FMN1: variants seen among roughly 807,000 people sequenced by gnomAD.
The protein encoded by FMN1 is formin 1.
FMN1 carries 110 observed loss-of-function variants against 132.4 expected under a neutral mutation model. The observed-to-expected ratio is 0.83, with a 90% CI of 0.71 to 0.97. The LOEUF is 0.97. Among genes scored for constraint, FMN1 ranks in the 50% least tolerant of loss-of-function variants. FMN1 has a pLI of 0.00. For synonymous variants in FMN1, 722 were observed against 651.7 expected (o/e 1.11, Z -1.64); for missense variants, 1,792 against 1,705.3 (o/e 1.05, Z -0.90).
chr15:33,064,917 A>G (rs2037650147), intron 6 of FMN1, 40 bp downstream of exon 6: 1 of 1,365,844 alleles, frequency 7.3e-7, no homozygotes, highest in Non-Finnish European at 1.0e-6. Flanking sequence ...CATTGCAGGA[A>G]GAGATTCATT....
At chr15:32,851,756 A>G (rs2059014459) in intron 17 of FMN1, among the ~76,000 whole-genome samples, 1 of 152,242 alleles carries the variant, frequency 6.6e-6, no homozygotes, top group Non-Finnish European at 1.5e-5. Flanking sequence ...TAAACGCATC[A>G]TCTCCATCTG....
Position 33,127,989 on chromosome 15 carries a change from G to A in FMN1, c.1867+25059C>T, listed in dbSNP as rs141248588. Among the ~76,000 whole-genome samples the A allele has an allele frequency of 6.1e-4, 93 of 152,258 alleles. 1 individual carries two copies. The East Asian group carries it at 0.016, about 26-fold the overall frequency. ...AAGGGGAAAGGAAGGTAACAGAAGGGCAACGGGGGAAGGGGAAAATAGACA... is the reference window on the plus strand; with the variant it reads ...AAGGGGAAAGGAAGGTAACAGAAGGACAACGGGGGAAGGGGAAAATAGACA... On this transcript the variant is annotated intron_variant, in intron 4 of 20. Transcript: ENST00000616417.
At chr15:32,789,087 A>G (rs2056978583) in intron 19 of FMN1, among the ~76,000 whole-genome samples, 1 of 152,222 alleles carries the variant, frequency 6.6e-6, no homozygotes, top group Admixed American at 6.5e-5. Context: ...AAGGAAACAC[A>G]ATGATTATTT....
chr15:33,127,293 A>G lies in FMN1; in HGVS notation c.1867+25755T>C, dbSNP rs775408502. On this transcript the variant is annotated intron_variant, in intron 4 of 20. Transcript: ENST00000616417. ...ATTCTTCACAACAAGAATCCGTCAA[A>G]TAAGTAACGTCATGGTTAATGCTCC... Among the ~76,000 whole-genome samples, 8 of 152,312 alleles carry G rather than the reference A, an allele frequency of 5.3e-5. No individual in the cohort carries two copies. In the East Asian group the frequency reaches 1.2e-3, roughly 22 times the overall value.
chr15:32,851,575 C>T (rs1424139090), intron 17 of FMN1, among the ~76,000 whole-genome samples: 1 of 152,074 alleles, frequency 6.6e-6, no homozygotes, highest in Non-Finnish European at 1.5e-5. Context: ...AAAAAAGACA[C>T]GTAAGAAAAA....
At chr15:32,874,961 T>C (rs1046249657) in intron 16 of FMN1, among the ~76,000 whole-genome samples, 7 of 152,206 alleles carry the variant, frequency 4.6e-5, no homozygotes, top group African/African-American at 1.4e-4. Flanking sequence ...TTATAAATGT[T>C]CCTTGGGCGT....
chr15:33,113,387 G>A (rs1290588080), intron 4 of FMN1, among the ~76,000 whole-genome samples: 4 of 149,210 alleles, frequency 2.7e-5, no homozygotes, highest in East Asian at 4.5e-4. Flanking sequence ...TCAATTAATA[G>A]TTCAGTGATT....
intron 17 of FMN1, among the ~76,000 whole-genome samples, chr15:32,848,735 G>A (rs2058922060): frequency 1.3e-5 from 2 of 152,186 alleles, no homozygotes; most frequent in South Asian, 2.1e-4. Context: ...AAAAAAATTT[G>A]TTTACTATTT....
intron 9 of FMN1, among the ~76,000 whole-genome samples, chr15:32,954,879 C>T (rs952386747): frequency 1.3e-5 from 2 of 152,104 alleles, no homozygotes; most frequent in African/African-American, 4.8e-5. Context: ...GGTAGGTGTG[C>T]CTGTAGTCCC....
chr15:32,874,722 G>A (rs899164545), intron 16 of FMN1, among the ~76,000 whole-genome samples: 2 of 152,212 alleles, frequency 1.3e-5, no homozygotes, highest in South Asian at 4.1e-4. Flanking sequence ...TGTTTATAAA[G>A]GACTTGATCT....
intron 19 of FMN1, among the ~76,000 whole-genome samples, chr15:32,782,908 T>G (rs111288122): frequency 0.14 from 20,561 of 152,018 alleles, 1,457 homozygotes; most frequent in Middle Eastern, 0.2. Flanking sequence ...AAAGAGAAAA[T>G]CAAATACTGC....
chr15:33,139,330 C>T (rs1049257183), intron 4 of FMN1, among the ~76,000 whole-genome samples: 4 of 152,154 alleles, frequency 2.6e-5, no homozygotes, highest in East Asian at 1.9e-4. Context: ...GGCACGGTGG[C>T]GCACGCCTGT....
At chr15:33,057,070 CG>C (rs1283060336) in intron 6 of FMN1, among the ~76,000 whole-genome samples, 1 of 152,038 alleles carries the variant, frequency 6.6e-6, no homozygotes, top group Non-Finnish European at 1.5e-5. Context: ...CTCAGCTACT[CG>C]GGAGGCTGAG....
chr15:32,789,384 C>G (rs2056991132), intron 19 of FMN1, among the ~76,000 whole-genome samples: 1 of 152,176 alleles, frequency 6.6e-6, no homozygotes, highest in African/African-American at 2.4e-5. Flanking sequence ...AGAATAGTTT[C>G]ATAGTCTGTA....
intron 8 of FMN1, among the ~76,000 whole-genome samples, chr15:32,964,661 A>C (rs2031015102): frequency 6.6e-6 from 1 of 152,208 alleles, no homozygotes; most frequent in African/African-American, 2.4e-5. Flanking sequence ...GTGACAGGCT[A>C]ATTCTGAAGG....
intron 16 of FMN1, among the ~76,000 whole-genome samples, chr15:32,885,184 A>G (rs1164341125): frequency 6.6e-6 from 1 of 152,214 alleles, no homozygotes; most frequent in Non-Finnish European, 1.5e-5. Context: ...TTGACAATCC[A>G]TCTACCTGGA....
At chr15:33,183,300 C>T (rs1965767283) in intron 2 of FMN1, among the ~76,000 whole-genome samples, 1 of 152,152 alleles carries the variant, frequency 6.6e-6, no homozygotes, top group African/African-American at 2.4e-5. Context: ...ACTTTTAATG[C>T]ACTTACCACA....
chr15:33,063,595 C>T (rs574440908), intron 6 of FMN1: 2 of 152,226 alleles, frequency 1.3e-5, no homozygotes, highest in South Asian at 2.1e-4. Flanking sequence ...CTGATTAGTA[C>T]GACCCTCATT....
At chr15:32,925,616 G>A (rs2060941089) in intron 10 of FMN1, among the ~76,000 whole-genome samples, 1 of 152,164 alleles carries the variant, frequency 6.6e-6, no homozygotes, top group South Asian at 2.1e-4. Flanking sequence ...AATTTGTCTG[G>A]ATCCTCATTT....
Sources: gnomAD v4.1 joint callset for allele counts (sites outside exome capture counted in the v4.1 genomes callset) on GRCh38, gnomAD v4.1.1 for gene constraint, MANE v1.5 for transcripts, NCBI Gene and HGNC (gene_info 2026-07-23, HGNC 2026-07-21) for gene names.